PCDHGB1: variants seen among roughly 807,000 people sequenced by gnomAD.
PCDHGB1 encodes protocadherin gamma-B1.
Under a neutral mutation model 56.6 loss-of-function variants are expected in PCDHGB1, and 34 were observed. The ratio of observed to expected loss-of-function variants is 0.60; its 90% confidence interval spans 0.46 to 0.80. PCDHGB1 has a LOEUF of 0.80. Among genes scored for constraint, PCDHGB1 ranks in the 30% least tolerant of loss-of-function variants. PCDHGB1 has a pLI of 0.00. For synonymous variants in PCDHGB1, 561 were observed against 505.9 expected (o/e 1.11, Z -1.46); for missense variants, 1,278 against 1,204.6 (o/e 1.06, Z -0.90).
At chr5:141,372,345 C>T in intron 1 of PCDHGB1, 1 of 1,613,816 alleles carries the variant, frequency 6.2e-7, no homozygotes, top group Non-Finnish European at 8.5e-7. Flanking sequence ...TGATGGAGGA[C>T]AGCAGCCTCT....
chr5:141,404,435 A>G, intron 1 of PCDHGB1: 2 of 1,613,032 alleles, frequency 1.2e-6, no homozygotes, highest in South Asian at 2.2e-5. Flanking sequence ...GGCAGAGGAT[A>G]CCATCCAAGG....
At chr5:141,507,450 CAGAG>C (rs940460926) in intron 3 of PCDHGB1, among the ~76,000 whole-genome samples, 1 of 152,170 alleles carries the variant, frequency 6.6e-6, no homozygotes, top group African/African-American at 2.4e-5. Flanking sequence ...GACGGAAGGA[CAGAG>C]AGAGAGGTGG....
intron 1 of PCDHGB1, chr5:141,371,141 C>A: frequency 2.2e-5 from 35 of 1,613,982 alleles, no homozygotes; most frequent in Non-Finnish European, 2.8e-5. Context: ...TGTACAGGGT[C>A]AATGTTGCAG....
chr5:141,438,631 TATATAC>T (rs1271580663), intron 1 of PCDHGB1, among the ~76,000 whole-genome samples: 5,390 of 42,476 alleles, frequency 0.13, 146 homozygotes, highest in Non-Finnish European at 0.16. Context: ...TATATATATA[TATATAC>T]ACACACACAC....
chr5:141,459,139 A>G (rs1592605909), intron 1 of PCDHGB1, among the ~76,000 whole-genome samples: 1 of 152,360 alleles, frequency 6.6e-6, no homozygotes, highest in Non-Finnish European at 1.5e-5. Flanking sequence ...ACCACCATGC[A>G]ATCAAAATAT....
intron 1 of PCDHGB1, chr5:141,478,008 C>T: frequency 6.2e-7 from 1 of 1,614,124 alleles, no homozygotes; most frequent in Non-Finnish European, 8.5e-7. Flanking sequence ...ATCAGTACTG[C>T]CCGTCCAGTC....
chr5:141,356,507 C>A, intron 1 of PCDHGB1: 1 of 1,614,020 alleles, frequency 6.2e-7, no homozygotes, highest in Non-Finnish European at 8.5e-7. Context: ...TCTACAGAAA[C>A]TCATATTTCA....
chr5:141,399,472 C>T lies in PCDHGB1; in HGVS notation c.2409+46803C>T, dbSNP rs763239278. On this transcript the variant is annotated intron_variant, in intron 1 of 3. Transcript: ENST00000523390. ...CGTCAACGATAACGCTCCGGTTTTCCACCAGGCGTCCTACTTAGTCAGTGT... is the reference window on the plus strand; with the variant it reads ...CGTCAACGATAACGCTCCGGTTTTCTACCAGGCGTCCTACTTAGTCAGTGT... 29 of 1,613,908 alleles carry T rather than the reference C, an allele frequency of 1.8e-5. No individual in the cohort carries two copies. The South Asian group carries it at 2.9e-4, about 16-fold the overall frequency.
chr5:141,485,421 C>G lies in PCDHGB1; in HGVS notation c.2410-9386C>G. The G allele has an allele frequency of 6.2e-7, 1 of 1,614,112 alleles. No individual in the cohort carries two copies. The highest frequency in any genetic ancestry group is 1.1e-5 in the South Asian group (1 of 91,080). ...TTCCGTGTGGATTTGGACAGCGGAG[C>G]CCTGCTCATCAAGAACCCAATCGAC... On this transcript the variant is annotated intron_variant, in intron 1 of 3. Transcript: ENST00000523390. This position sits in a 1 kb window ranked among gnomAD's most constrained non-coding sequence, Gnocchi z 5.7.
intron 1 of PCDHGB1, chr5:141,417,649 C>G (rs1294192479): frequency 1.2e-6 from 1 of 826,168 alleles, no homozygotes; most frequent in East Asian, 2.8e-5. Flanking sequence ...CCCTCAGCCT[C>G]TAGCCTGGGA....
In PCDHGB1 at chr5:141,491,696, G is replaced by A; in HGVS notation, c.2410-3111G>A. The A allele has an allele frequency of 6.2e-7, 1 of 1,612,390 alleles. No individual in the cohort carries two copies. The highest frequency in any genetic ancestry group is 8.5e-7 in the Non-Finnish European group (1 of 1,179,286). ...CGCTCTAATACGCTGCGGGAGCGGA[G>A]CCAGGTGAGGGGCTCGGCGCCGCCC... On this transcript the variant is annotated intron_variant, in intron 1 of 3. Coordinates refer to ENST00000523390, the MANE Select transcript of PCDHGB1 (RefSeq NM_018922.3). This position sits in a 1 kb window ranked among gnomAD's most constrained non-coding sequence, Gnocchi z 6.9.
rs773840884 is a variant in PCDHGB1 at position 141,372,185 on chromosome 5, C to A, written c.2409+19516C>A. 4 of 1,613,630 alleles carry A rather than the reference C, an allele frequency of 2.5e-6. No individual in the cohort carries two copies. The South Asian group carries it at 4.4e-5, about 18-fold the overall frequency. The stretch of plus-strand genomic sequence containing the variant: ...CCAAGGTGGTGGCGGTGGACGCAGA[C>A]TCGGGATACAACGCCTGGCTGTCCT... On this transcript the variant is annotated intron_variant, in intron 1 of 3. Transcript: ENST00000523390.
rs750109717 is a variant in PCDHGB1, at chr5:141,490,546, A to C, written c.2410-4261A>C. 1.9e-6 allele frequency: 3 copies of C among 1,614,110 alleles called. No individual in the cohort carries two copies. Among genetic ancestry groups the C allele is most frequent in the Non-Finnish European group, 2.5e-6 (3 of 1,180,036 alleles). On this transcript the variant is annotated intron_variant, in intron 1 of 3. Transcript: ENST00000523390. The surrounding 1 kb of genome is among the most constrained non-coding windows in gnomAD (Gnocchi z 5.4). ...CGATGCTGGTTCACCTTCCCTACAC[A>C]AACATCTCACCATCAGGCTCAACAT...
intron 1 of PCDHGB1, chr5:141,427,807 A>C (rs1443881781): frequency 6.6e-7 from 1 of 1,522,050 alleles, no homozygotes; most frequent in South Asian, 1.1e-5. Flanking sequence ...GTGAGCGCAC[A>C]GAGCGGGGTG....
rs1351057422 is a variant in PCDHGB1 at position 141,351,834 on chromosome 5, A to G, written c.1574A>G (p.Glu525Gly). ...AFDHEQLRAF[E>G]LTLQARDQGS... ...GACCACGAGCAGCTGCGCGCCTTCG[A>G]GCTCACACTGCAGGCCAGGGACCAG... The change falls in exon 1 of 4, where the codon GAG (glutamate) becomes GGG (glycine). Residue 525 changes from glutamate (E) to glycine (G), a missense_variant. Glu to Gly is a moderately conservative substitution (Grantham distance 98). Transcript: ENST00000523390. The G allele has an allele frequency of 1.2e-6, 2 of 1,613,230 alleles. No individual in the cohort carries two copies. Among genetic ancestry groups the G allele is most frequent in the Non-Finnish European group, 1.7e-6 (2 of 1,179,802 alleles).
chr5:141,434,174 C>T (rs1310074584), intron 1 of PCDHGB1, among the ~76,000 whole-genome samples: 1 of 152,132 alleles, frequency 6.6e-6, no homozygotes, highest in Non-Finnish European at 1.5e-5. Flanking sequence ...GGGATTATAT[C>T]CAAGATTTGT....
At chr5:141,416,674 G>A (rs547618174) in intron 1 of PCDHGB1, 1 of 152,250 alleles carries the variant, frequency 6.6e-6, no homozygotes, top group South Asian at 2.1e-4. Flanking sequence ...TATATGCAAC[G>A]AAGGGAAATT....
chr5:141,425,317 C>T (rs78746536), intron 1 of PCDHGB1, among the ~76,000 whole-genome samples: 174 of 152,168 alleles, frequency 1.1e-3, no homozygotes, highest in East Asian at 3.7e-3. Context: ...TTCCCAAGAT[C>T]GTGGAGAACA....
intron 1 of PCDHGB1, among the ~76,000 whole-genome samples, chr5:141,455,907 ATTTATTTT>A (rs1199495676): frequency 7.1e-5 from 9 of 126,872 alleles, no homozygotes; most frequent in African/African-American, 1.1e-4. Context: ...TTATTTATTT[ATTTATTTT>A]GAGACGGAGT....
Sources: gnomAD v4.1 joint callset for allele counts (sites outside exome capture counted in the v4.1 genomes callset) on GRCh38, gnomAD v4.1.1 for gene constraint, Gnocchi (gnomAD v3.1) non-coding constraint, MANE v1.5 for transcripts, NCBI Gene and HGNC (gene_info 2026-07-23, HGNC 2026-07-21) for gene names.